GABRG3: variants seen among roughly 807,000 people sequenced by gnomAD.
GABRG3 encodes gamma-aminobutyric acid receptor subunit gamma-3.
A neutral mutation model predicts 48.8 loss-of-function variants in GABRG3; 25 were observed. That is an observed-to-expected ratio of 0.51 (90% CI 0.37 to 0.72). The LOEUF is 0.72. GABRG3 is among the 30% of genes least tolerant of loss of function. The pLI is 0.00. For missense variants in GABRG3, 394 were observed against 577.9 expected, an observed-to-expected ratio of 0.68 and a Z score of 3.26; for synonymous variants, 227 against 217.6, an observed-to-expected ratio of 1.04 and a Z score of -0.38.
chr15:27,202,706 T>C (rs1888726066), intron 3 of GABRG3, among the ~76,000 whole-genome samples: 1 of 152,204 alleles, frequency 6.6e-6, no homozygotes, highest in Non-Finnish European at 1.5e-5. Context: ...AGTTCATCTT[T>C]CGTGAATTGC....
intron 3 of GABRG3, among the ~76,000 whole-genome samples, chr15:27,141,652 G>T (rs1411171609): frequency 2.6e-5 from 4 of 152,176 alleles, no homozygotes; most frequent in Non-Finnish European, 5.9e-5. Flanking sequence ...AAGAGGGAGG[G>T]TAGTGGCAGT....
intron 7 of GABRG3, among the ~76,000 whole-genome samples, chr15:27,526,850 T>C (rs1891288843): frequency 6.6e-6 from 1 of 152,160 alleles, no homozygotes; most frequent in Middle Eastern, 3.2e-3. Flanking sequence ...TAAGGGACTG[T>C]TTTTGTCTTA....
intron 5 of GABRG3, among the ~76,000 whole-genome samples, chr15:27,332,595 A>G (rs1893838654): frequency 6.6e-6 from 1 of 152,158 alleles, no homozygotes; most frequent in Non-Finnish European, 1.5e-5. Flanking sequence ...TGAACAGTTA[A>G]CCTTGCAATG....
At chr15:27,203,647 A>G (rs1888760872) in intron 3 of GABRG3, among the ~76,000 whole-genome samples, 1 of 152,060 alleles carries the variant, frequency 6.6e-6, no homozygotes, top group South Asian at 2.1e-4. Flanking sequence ...GAACTAATTT[A>G]CATTCCCCAG....
At chr15:27,424,552 C>CTTTTTT in intron 5 of GABRG3, among the ~76,000 whole-genome samples, 1 of 133,616 alleles carries the variant, frequency 7.5e-6, no homozygotes, top group African/African-American at 2.8e-5. Flanking sequence ...AAGGTTTCAC[C>CTTTTTT]TTTTTTTTTT....
chr15:27,051,984 T>G (rs1896462970), intron 3 of GABRG3, among the ~76,000 whole-genome samples: 1 of 152,184 alleles, frequency 6.6e-6, no homozygotes, highest in Admixed American at 6.5e-5. Flanking sequence ...ATGCTGCCAC[T>G]GATCTGACAG....
At chr15:27,075,815 C>T (rs1329991125) in intron 3 of GABRG3, among the ~76,000 whole-genome samples, 2 of 152,130 alleles carry the variant, frequency 1.3e-5, no homozygotes, top group African/African-American at 2.4e-5. Context: ...AAGGACAAGT[C>T]CTCTGTCAGA....
chr15:27,062,769 TAG>T, intron 3 of GABRG3, among the ~76,000 whole-genome samples: 1 of 152,306 alleles, frequency 6.6e-6, no homozygotes, highest in African/African-American at 2.4e-5. Context: ...GGGCCAGGTG[TAG>T]AGAGTTAGTA....
At chr15:27,298,043 GAAGT>G (rs1325503587) in intron 3 of GABRG3, among the ~76,000 whole-genome samples, 1 of 151,930 alleles carries the variant, frequency 6.6e-6, no homozygotes, top group Non-Finnish European at 1.5e-5. Flanking sequence ...TAATCCAAAA[GAAGT>G]AAGTAAAGGA....
chr15:27,245,030 G>A (rs1257791145), intron 3 of GABRG3, among the ~76,000 whole-genome samples: 1 of 152,148 alleles, frequency 6.6e-6, no homozygotes, highest in Admixed American at 6.5e-5. Context: ...GACATCTCAC[G>A]GGTCGTGTGG....
chr15:27,423,775 C>T (rs950847592), intron 5 of GABRG3, among the ~76,000 whole-genome samples: 1 of 126,704 alleles, frequency 7.9e-6, no homozygotes, highest in African/African-American at 3.2e-5. Flanking sequence ...ATTATATTGC[C>T]CTGTCTGGTC....
At chr15:27,280,123 C>CTT (rs2140479010) in intron 3 of GABRG3, among the ~76,000 whole-genome samples, 1 of 150,758 alleles carries the variant, frequency 6.6e-6, no homozygotes, top group South Asian at 2.1e-4. Flanking sequence ...TTTTCCATTA[C>CTT]TTCTTTCTTT....
At chr15:27,065,328 G>C (rs1438234061) in intron 3 of GABRG3, among the ~76,000 whole-genome samples, 1 of 152,220 alleles carries the variant, frequency 6.6e-6, no homozygotes, top group Non-Finnish European at 1.5e-5. Context: ...AAAACCTGCT[G>C]CTAGACAGTC....
At chr15:27,219,336 G>A (rs1889373219) in intron 3 of GABRG3, among the ~76,000 whole-genome samples, 1 of 152,208 alleles carries the variant, frequency 6.6e-6, no homozygotes, top group African/African-American at 2.4e-5. Context: ...AAGGTAGGCA[G>A]AGTCCAATTT....
intron 3 of GABRG3, among the ~76,000 whole-genome samples, chr15:27,252,757 C>T (rs944602893): frequency 2.5e-4 from 38 of 152,350 alleles, no homozygotes; most frequent in African/African-American, 8.2e-4. Flanking sequence ...GATAATTCAA[C>T]CTCATCATCT....
intron 3 of GABRG3, among the ~76,000 whole-genome samples, chr15:27,192,608 T>C (rs1888356531): frequency 6.6e-6 from 1 of 152,238 alleles, no homozygotes; most frequent in Admixed American, 6.5e-5. Flanking sequence ...GTATTGGTTA[T>C]TCTAGTTATA....
At chr15:27,403,244 A>C (rs1277743519) in intron 5 of GABRG3, among the ~76,000 whole-genome samples, 1 of 152,208 alleles carries the variant, frequency 6.6e-6, no homozygotes, top group Non-Finnish European at 1.5e-5. Context: ...AGGATGGAAA[A>C]TATAGAAGCA....
At chr15:27,417,314 C>G (rs1887968563) in intron 5 of GABRG3, among the ~76,000 whole-genome samples, 1 of 152,176 alleles carries the variant, frequency 6.6e-6, no homozygotes, top group African/African-American at 2.4e-5. Context: ...CTTGAGATGA[C>G]TTAATGTGGG....
At chr15:27,162,144 GA>G (rs1271832667) in intron 3 of GABRG3, among the ~76,000 whole-genome samples, 2 of 152,102 alleles carry the variant, frequency 1.3e-5, no homozygotes, top group South Asian at 2.1e-4. Context: ...GGATGCTTAG[GA>G]AAAAATTAAG....
Sources: allele counts gnomAD v4.1 joint callset (sites outside exome capture counted in the v4.1 genomes callset), GRCh38; gene constraint gnomAD v4.1.1; transcripts MANE v1.5; gene names NCBI Gene and HGNC (gene_info 2026-07-23, HGNC 2026-07-21).